The following SGCD variants were observed in gnomAD, a reference collection of about 807,000 sequenced individuals.
SGCD encodes delta-sarcoglycan.
SGCD carries 18 observed loss-of-function variants against 36.6 expected under a neutral mutation model. That is an observed-to-expected ratio of 0.49 (90% CI 0.34 to 0.73). The LOEUF is 0.73. SGCD is among the 30% of genes least tolerant of loss of function. The probability of loss-of-function intolerance (pLI) is 0.01; values close to 1 mark genes in which losing one functional copy is unlikely to be tolerated. For missense variants in SGCD, 387 were observed against 346.7 expected, an observed-to-expected ratio of 1.12 and a Z score of -0.92; for synonymous variants, 133 against 130.6, an observed-to-expected ratio of 1.02 and a Z score of -0.12.
the SGCD span, among the ~76,000 whole-genome samples, chr5:155,853,430 T>C: frequency 2.0e-5 from 3 of 152,166 alleles, no homozygotes; most frequent in Non-Finnish European, 4.4e-5. Context: ...TGTGTTTGCT[T>C]CTCTGCTTAC....
At chr5:155,900,500 T>C (rs1017008395) in intron 1 of SGCD, among the ~76,000 whole-genome samples, 13 of 151,978 alleles carry the variant, frequency 8.6e-5, no homozygotes, top group African/African-American at 3.1e-4. Context: ...TGTATACATG[T>C]GCCATGCTGG....
At chr5:155,891,556 C>CTTTTTTTTTTTTTTTTTT (rs1561640647) in intron 1 of SGCD, among the ~76,000 whole-genome samples, 1 of 16,562 alleles carries the variant, frequency 6.0e-5, no homozygotes, top group Non-Finnish European at 1.2e-4. Flanking sequence ...AAAATAAATA[C>CTTTTTTTTTTTTTTTTTT]TCTTTTTTTT....
At chr5:156,678,812 G>A (rs181205892) in intron 7 of SGCD, among the ~76,000 whole-genome samples, 2 of 152,166 alleles carry the variant, frequency 1.3e-5, no homozygotes, top group Admixed American at 6.5e-5. Flanking sequence ...AGTGAGCAGT[G>A]TATGCCCTAT....
intron 3 of SGCD, among the ~76,000 whole-genome samples, chr5:156,279,196 C>T (rs1278016368): frequency 1.3e-5 from 2 of 152,078 alleles, no homozygotes; most frequent in Non-Finnish European, 2.9e-5. Flanking sequence ...TCTGTGTTTA[C>T]AGTCTGTTAT....
chr5:155,869,923 CG>C (rs1336018838), upstream of SGCD, among the ~76,000 whole-genome samples: 1 of 152,100 alleles, frequency 6.6e-6, no homozygotes, highest in Non-Finnish European at 1.5e-5. Flanking sequence ...CGCTTGAACC[CG>C]GGAGGCAGAG....
chr5:155,977,818 G>A (rs1341635811), intron 1 of SGCD, among the ~76,000 whole-genome samples: 1 of 152,118 alleles, frequency 6.6e-6, no homozygotes, highest in Non-Finnish European at 1.5e-5. Flanking sequence ...AGAATGGGCC[G>A]GGCGCAGTGG....
intron 7 of SGCD, among the ~76,000 whole-genome samples, chr5:156,741,420 A>T (rs1756667812): frequency 6.6e-6 from 1 of 152,232 alleles, no homozygotes; most frequent in Non-Finnish European, 1.5e-5. Flanking sequence ...TTCCAAGTAC[A>T]GCCAGGAAGG....
At chr5:156,254,246 TTAAGTTTTAGGGTAC>T (rs1452565538) in intron 3 of SGCD, among the ~76,000 whole-genome samples, 4 of 152,186 alleles carry the variant, frequency 2.6e-5, no homozygotes, top group Non-Finnish European at 5.9e-5. Context: ...AAATTATACT[TTAAGTTTTAGGGTAC>T]ACTGCACAAC....
chr5:156,381,469 G>A (rs1314893055), intron 3 of SGCD, among the ~76,000 whole-genome samples: 1 of 152,020 alleles, frequency 6.6e-6, no homozygotes, highest in Admixed American at 6.6e-5. Context: ...GGGGAGCTGG[G>A]CACAGGGGCA....
chr5:156,107,244 GC>G (rs1581102839), intron 1 of SGCD, among the ~76,000 whole-genome samples: 1 of 152,108 alleles, frequency 6.6e-6, no homozygotes, highest in East Asian at 1.9e-4. Flanking sequence ...TACCTCATGA[GC>G]CCATCAATTT....
the SGCD span, among the ~76,000 whole-genome samples, chr5:155,786,297 G>A: frequency 1.3e-5 from 2 of 152,122 alleles, no homozygotes; most frequent in Non-Finnish European, 2.9e-5. Flanking sequence ...TACATGCTTA[G>A]AATATCTGTC....
chr5:155,801,406 G>C, the SGCD span, among the ~76,000 whole-genome samples: 4 of 152,092 alleles, frequency 2.6e-5, no homozygotes, highest in African/African-American at 9.7e-5. Context: ...TTCTCAAAAG[G>C]GTTAATGTTG....
chr5:156,415,816 G>A (rs758047648), intron 3 of SGCD, among the ~76,000 whole-genome samples: 8 of 152,088 alleles, frequency 5.3e-5, no homozygotes, highest in Non-Finnish European at 1.0e-4. Flanking sequence ...TCAAATAGGG[G>A]TTAAATAGGG....
chr5:155,851,015 AT>A, the SGCD span, among the ~76,000 whole-genome samples: 1 of 152,216 alleles, frequency 6.6e-6, no homozygotes, highest in Non-Finnish European at 1.5e-5. Flanking sequence ...GTCAAAGGGC[AT>A]CCATTTTATC....
intron 3 of SGCD, among the ~76,000 whole-genome samples, chr5:156,280,253 A>G (rs1766418466): frequency 6.6e-6 from 1 of 152,330 alleles, no homozygotes; most frequent in South Asian, 2.1e-4. Flanking sequence ...TTGCTCATCC[A>G]ACAGATTGGG....
At chr5:156,741,600 T>C (rs1292663403) in intron 7 of SGCD, among the ~76,000 whole-genome samples, 2 of 151,514 alleles carry the variant, frequency 1.3e-5, no homozygotes, top group Non-Finnish European at 1.5e-5. Context: ...TCATATTCCC[T>C]GGGCCGAAAA....
At chr5:156,494,677 A>C (rs1013814696) in intron 3 of SGCD, among the ~76,000 whole-genome samples, 4 of 152,152 alleles carry the variant, frequency 2.6e-5, no homozygotes, top group Non-Finnish European at 5.9e-5. Flanking sequence ...AATAATAAAA[A>C]ATCCAAATTC....
At chr5:156,158,172 A>T (rs1763007864) in intron 3 of SGCD, among the ~76,000 whole-genome samples, 1 of 151,482 alleles carries the variant, frequency 6.6e-6, no homozygotes, top group Admixed American at 6.6e-5. Context: ...TGACTGAATA[A>T]CACTGTGGTC....
intron 3 of SGCD, among the ~76,000 whole-genome samples, chr5:156,356,015 A>G (rs959723200): frequency 6.6e-6 from 1 of 152,312 alleles, no homozygotes; most frequent in Admixed American, 6.5e-5. Flanking sequence ...CTTACTCTGT[A>G]TCTGCTTAGC....
Sources: allele counts gnomAD v4.1 joint callset (sites outside exome capture counted in the v4.1 genomes callset), GRCh38; gene constraint gnomAD v4.1.1; transcripts MANE v1.5; gene names NCBI Gene and HGNC (gene_info 2026-07-23, HGNC 2026-07-21).